STXBP5: variants seen among roughly 807,000 people sequenced by gnomAD.
STXBP5 encodes the protein syntaxin binding protein 5.
A neutral mutation model predicts 152.4 loss-of-function variants in STXBP5; 50 were observed. That is an observed-to-expected ratio of 0.33 (90% CI 0.26 to 0.42). STXBP5 has a LOEUF of 0.42. Ranked by LOEUF, STXBP5 falls within the 10% of genes least tolerant of loss-of-function variation. The pLI, the probability that STXBP5 is intolerant of heterozygous loss-of-function variation, is 1.00. For missense variants in STXBP5, 1,167 were observed against 1,388.6 expected (o/e 0.84, Z 2.54); for synonymous variants, 492 against 494.7 (o/e 0.99, Z 0.07).
intron 26 of STXBP5, among the ~76,000 whole-genome samples, chr6:147,380,436 A>G (rs979763979): frequency 6.6e-6 from 1 of 151,352 alleles, no homozygotes; most frequent in African/African-American, 2.4e-5. Context: ...ATGTTGGAAT[A>G]ACTAGATATT....
chr6:147,329,765 ACAGG>A (rs1322896207), intron 18 of STXBP5, among the ~76,000 whole-genome samples: 1 of 151,674 alleles, frequency 6.6e-6, no homozygotes, highest in Non-Finnish European at 1.5e-5. Flanking sequence ...AGCTGGGACT[ACAGG>A]CGCCCGCTAC....
chr6:147,365,738 A>G (rs1406684898), intron 25 of STXBP5, among the ~76,000 whole-genome samples: 1 of 152,204 alleles, frequency 6.6e-6, no homozygotes, highest in Non-Finnish European at 1.5e-5. Context: ...ATGCCTTGGT[A>G]AAATCTGTTG....
intron 4 of STXBP5, among the ~76,000 whole-genome samples, chr6:147,250,761 T>C (rs1779044674): frequency 1.3e-5 from 2 of 152,182 alleles, no homozygotes; most frequent in African/African-American, 4.8e-5. Flanking sequence ...TGCTGTTTTA[T>C]TGATATCTAA....
At chr6:147,222,990 C>T (rs1443127463) in intron 2 of STXBP5, among the ~76,000 whole-genome samples, 2 of 152,212 alleles carry the variant, frequency 1.3e-5, no homozygotes, top group Non-Finnish European at 2.9e-5. Flanking sequence ...TCTGTATCCA[C>T]CTGTCTGTCT....
intron 2 of STXBP5, among the ~76,000 whole-genome samples, chr6:147,213,475 T>TGCGCGCGC (rs1361174338): frequency 7.6e-5 from 10 of 132,174 alleles, no homozygotes; most frequent in African/African-American, 2.5e-4. Flanking sequence ...TGTGTGTGTG[T>TGCGCGCGC]GTGCGCGCGC....
At chr6:147,319,621 G>A (rs991119997) in intron 16 of STXBP5, among the ~76,000 whole-genome samples, 2 of 151,914 alleles carry the variant, frequency 1.3e-5, no homozygotes, top group African/African-American at 4.8e-5. Context: ...AATATTTTAA[G>A]GGACAGTTCT....
chr6:147,213,467 T>C (rs1241869052), intron 2 of STXBP5, among the ~76,000 whole-genome samples: 18 of 121,634 alleles, frequency 1.5e-4, no homozygotes, highest in African/African-American at 3.1e-4. Context: ...TGTGTGTGTG[T>C]GTGTGTGTGT....
chr6:147,285,497 T>C (rs1319802548), intron 8 of STXBP5, among the ~76,000 whole-genome samples: 1 of 152,086 alleles, frequency 6.6e-6, no homozygotes, highest in East Asian at 1.9e-4. Context: ...TGTTGGGTTT[T>C]TTTCAAGCAA....
intron 2 of STXBP5, among the ~76,000 whole-genome samples, chr6:147,225,902 A>T (rs1777685944): frequency 6.6e-6 from 1 of 152,228 alleles, no homozygotes; most frequent in Admixed American, 6.5e-5. Flanking sequence ...TTTAAGGGCT[A>T]TAATGGATCC....
intron 19 of STXBP5, among the ~76,000 whole-genome samples, chr6:147,337,060 C>CTGAA (rs1222479072): frequency 6.6e-6 from 1 of 151,922 alleles, no homozygotes; most frequent in Non-Finnish European, 1.5e-5. Context: ...CATATGCATC[C>CTGAA]TGAACGAATG....
At chr6:147,374,819 A>T (rs984815062) in intron 26 of STXBP5, among the ~76,000 whole-genome samples, 3 of 152,142 alleles carry the variant, frequency 2.0e-5, no homozygotes, top group Non-Finnish European at 4.4e-5. Context: ...TGGGGACCCT[A>T]AAATAACTCC....
chr6:147,261,568 G>C (rs953427172), intron 5 of STXBP5, among the ~76,000 whole-genome samples: 10 of 152,138 alleles, frequency 6.6e-5, no homozygotes, highest in African/African-American at 2.4e-4. Context: ...TCATGTGTTA[G>C]TATAGCTGTA....
chr6:147,252,982 C>T (rs1172814156), intron 4 of STXBP5, among the ~76,000 whole-genome samples: 1 of 152,142 alleles, frequency 6.6e-6, no homozygotes, highest in Admixed American at 6.5e-5. Context: ...CACCCTGATA[C>T]CACAACCTTT....
intron 21 of STXBP5, chr6:147,351,912 T>C: frequency 3.0e-6 from 3 of 984,908 alleles, no homozygotes; most frequent in Non-Finnish European, 3.6e-6. Flanking sequence ...GCTTTAAATA[T>C]CTCCTAACAG....
chr6:147,279,031 A>G (rs745905231), intron 8 of STXBP5, among the ~76,000 whole-genome samples: 6 of 152,172 alleles, frequency 3.9e-5, no homozygotes, highest in African/African-American at 9.7e-5. Flanking sequence ...GTACAAACCA[A>G]TTAGGCAGAG....
chr6:147,368,457 A>G lies in STXBP5; in HGVS notation c.3081+4291A>G, dbSNP rs550673087. ...ATATTCCTGATTTTTAAAAATCTCT[A>G]CAAACAAGGAACAGAAGAAAACTTA... On this transcript the variant is annotated intron_variant, in intron 25 of 27. Coordinates refer to ENST00000321680, the MANE Select transcript of STXBP5 (RefSeq NM_001127715.4). Among the ~76,000 whole-genome samples the G allele has an allele frequency of 4.6e-5, 7 of 152,316 alleles. No homozygotes were observed. In the East Asian group the frequency reaches 9.6e-4, roughly 21 times the overall value.
At chr6:147,235,440 T>C (rs1038599751) in intron 3 of STXBP5, 109 bp downstream of exon 3, 1 of 818,038 alleles carries the variant, frequency 1.2e-6, no homozygotes, top group African/African-American at 1.7e-5. Flanking sequence ...TGAACAAAAA[T>C]TAATTTATAA....
intron 8 of STXBP5, among the ~76,000 whole-genome samples, chr6:147,280,548 C>T (rs1208157458): frequency 6.6e-6 from 1 of 152,112 alleles, no homozygotes; most frequent in East Asian, 1.9e-4. Flanking sequence ...ACTCTATGAA[C>T]ATATTATACT....
intron 21 of STXBP5, among the ~76,000 whole-genome samples, chr6:147,344,320 C>T (rs1018513859): frequency 3.9e-5 from 6 of 152,006 alleles, no homozygotes; most frequent in Non-Finnish European, 7.4e-5. Flanking sequence ...AGTTTGCTTC[C>T]TAGCATAAAG....
Sources: allele counts gnomAD v4.1 joint callset (sites outside exome capture counted in the v4.1 genomes callset), GRCh38; gene constraint gnomAD v4.1.1; transcripts MANE v1.5; gene names NCBI Gene and HGNC (gene_info 2026-07-23, HGNC 2026-07-21).